The following DCBLD1 variants were observed in gnomAD, a reference collection of about 807,000 sequenced individuals.
DCBLD1 encodes the protein discoidin, CUB and LCCL domain-containing protein 1.
A neutral mutation model predicts 71.5 loss-of-function variants in DCBLD1; 57 were observed. The ratio of observed to expected loss-of-function variants is 0.80; its 90% CI spans 0.64 to 0.99. DCBLD1 has a LOEUF of 0.99. Ranked by LOEUF, DCBLD1 falls within the 50% of genes least tolerant of loss-of-function variation. The probability of loss-of-function intolerance (pLI) is 0.00; values close to 1 mark genes in which losing one functional copy is unlikely to be tolerated. For synonymous variants in DCBLD1, 380 were observed against 363.8 expected, an observed-to-expected ratio of 1.04 and a Z score of -0.51; for missense variants, 891 against 923.5, an observed-to-expected ratio of 0.96 and a Z score of 0.46.
chr6:117,543,852 C>G (rs1280905603), intron 12 of DCBLD1, among the ~76,000 whole-genome samples: 1 of 152,176 alleles, frequency 6.6e-6, no homozygotes, highest in Non-Finnish European at 1.5e-5. Flanking sequence ...TCAGCCTCCC[C>G]AAGCCTGTTT....
At chr6:117,536,709 A>G (rs1035230522) in intron 6 of DCBLD1, among the ~76,000 whole-genome samples, 1 of 152,240 alleles carries the variant, frequency 6.6e-6, no homozygotes, top group Non-Finnish European at 1.5e-5. Flanking sequence ...AGTGAGAGTC[A>G]CGAGATCTGT....
chr6:117,555,138 G>T (rs2114588057), intron 14 of DCBLD1, among the ~76,000 whole-genome samples: 1 of 152,234 alleles, frequency 6.6e-6, no homozygotes, highest in South Asian at 2.1e-4. Context: ...AAATTGGTTT[G>T]TTTAGATTTT....
rs577837436 is a variant in DCBLD1 at position 117,489,195 on chromosome 6, C to T, written c.112+6302C>T. The stretch of plus-strand genomic sequence containing the variant: ...TCTGGTGAGGGCCTCAGGAAGCTTG[C>T]GGTCATGACAGAAGGTGAAGGAGAA... On this transcript the variant is annotated intron_variant, in intron 1 of 14. Coordinates refer to ENST00000338728, the MANE Select transcript of DCBLD1 (RefSeq NM_001366458.2). 1.1e-4 allele frequency among the ~76,000 whole-genome samples: 16 copies of T among 152,182 alleles called. No homozygotes were observed. The South Asian group carries it at 2.1e-3, about 20-fold the overall frequency.
chr6:117,546,714 T>C (rs1779277441), intron 14 of DCBLD1, among the ~76,000 whole-genome samples: 1 of 152,076 alleles, frequency 6.6e-6, no homozygotes, highest in South Asian at 2.1e-4. Context: ...GTCTCTCCCC[T>C]AAACAGTCCC....
At chr6:117,498,834 A>G (rs77991780) in intron 1 of DCBLD1, among the ~76,000 whole-genome samples, 2,459 of 152,226 alleles carry the variant, frequency 0.016, 56 homozygotes, top group African/African-American at 0.056. Context: ...GCATTTTCTT[A>G]TGTAGCCTCA....
rs1334735385 is a variant in DCBLD1 at position 117,545,492 on chromosome 6, A to G, written c.1510A>G (p.Ile504Val). The change falls in exon 14 of 15, where the codon ATT (isoleucine) becomes GTT (valine). Residue 504 changes from isoleucine (I) to valine (V), a missense_variant. Transcript: ENST00000338728. ...EAQKTDCWKQIKYPFARHQSA... is the reference protein window; with the variant it reads ...EAQKTDCWKQVKYPFARHQSA... ...CTTTATTCCAGACTGTTGGAAGCAGATTAAATATCCCTTTGCCAGACATCA... is the reference window on the plus strand; with the variant it reads ...CTTTATTCCAGACTGTTGGAAGCAGGTTAAATATCCCTTTGCCAGACATCA... 1.9e-6 allele frequency: 3 copies of G among 1,614,110 alleles called. No individual in the cohort carries two copies. Among genetic ancestry groups the G allele is most frequent in the Non-Finnish European group, 2.5e-6 (3 of 1,180,002 alleles).
intron 1 of DCBLD1, among the ~76,000 whole-genome samples, chr6:117,488,454 G>A (rs1194932069): frequency 6.6e-6 from 1 of 151,944 alleles, no homozygotes; most frequent in Non-Finnish European, 1.5e-5. Flanking sequence ...GACCAGCCTG[G>A]GCAACATGGC....
At position 117,537,183 on chromosome 6, in the gene DCBLD1, A is replaced by G; in HGVS notation, c.720-2A>G. On this transcript the variant is annotated splice_acceptor_variant, in intron 6 of 14. Coordinates refer to ENST00000338728, the MANE Select transcript of DCBLD1 (RefSeq NM_001366458.2). LOFTEE classifies it high-confidence loss of function. ...TTCTCATGTTTGTCTTTATTGTTTC[A>G]GTGGTTCCCTGTCAGACAAGCGATT... 1 of 1,613,974 alleles carries G rather than the reference A, an allele frequency of 6.2e-7. No individual in the cohort carries two copies. Among genetic ancestry groups the G allele is most frequent in the East Asian group, 2.2e-5 (1 of 44,856 alleles).
At chr6:117,501,086 T>C (rs999568723) in intron 1 of DCBLD1, among the ~76,000 whole-genome samples, 3 of 152,154 alleles carry the variant, frequency 2.0e-5, no homozygotes, top group African/African-American at 7.2e-5. Flanking sequence ...ATCAGGAGAT[T>C]TTTTGGTGGC....
intron 1 of DCBLD1, among the ~76,000 whole-genome samples, chr6:117,500,742 C>T (rs1227759260): frequency 3.3e-5 from 5 of 151,980 alleles, no homozygotes; most frequent in African/African-American, 9.7e-5. Flanking sequence ...ATGCACCTGT[C>T]GTCCCACCTA....
At chr6:117,515,879 G>T (rs1778179228) in intron 2 of DCBLD1, among the ~76,000 whole-genome samples, 1 of 152,166 alleles carries the variant, frequency 6.6e-6, no homozygotes, top group African/African-American at 2.4e-5. Flanking sequence ...AACTGTTTGT[G>T]GGAGGCTGTC....
At chr6:117,558,428 GATTTTTTCCAATTTAATA>G (rs925865924) in intron 14 of DCBLD1, among the ~76,000 whole-genome samples, 4 of 152,028 alleles carry the variant, frequency 2.6e-5, no homozygotes, top group African/African-American at 9.7e-5. Context: ...CCATAAGCTG[GATTTTTTCCAATTTAATA>G]ATTTTTTCCA....
At chr6:117,505,770 A>C (rs113146958) in intron 2 of DCBLD1, among the ~76,000 whole-genome samples, 3,950 of 152,246 alleles carry the variant, frequency 0.026, 78 homozygotes, top group East Asian at 0.051. Context: ...TTCAAGCGAT[A>C]CAGCCTGGGC....
intron 1 of DCBLD1, among the ~76,000 whole-genome samples, chr6:117,483,910 G>T (rs1380015691): frequency 6.6e-6 from 1 of 151,912 alleles, no homozygotes; most frequent in Non-Finnish European, 1.5e-5. Flanking sequence ...ACTGAACTAT[G>T]CCTCCATTCT....
At chr6:117,527,040 G>A (rs1437184236) in intron 5 of DCBLD1, among the ~76,000 whole-genome samples, 3 of 152,150 alleles carry the variant, frequency 2.0e-5, no homozygotes, top group African/African-American at 7.2e-5. Context: ...TTGGATTGAG[G>A]GCCTCGGTTT....
chr6:117,529,601 G>T (rs1328261359), intron 5 of DCBLD1, among the ~76,000 whole-genome samples: 3 of 152,158 alleles, frequency 2.0e-5, no homozygotes, highest in African/African-American at 7.2e-5. Context: ...TTCAATAAAT[G>T]TGAATTTTAA....
intron 2 of DCBLD1, among the ~76,000 whole-genome samples, chr6:117,506,296 T>C (rs1777841370): frequency 6.6e-6 from 1 of 152,138 alleles, no homozygotes; most frequent in Non-Finnish European, 1.5e-5. Context: ...TTTATATCTG[T>C]GTCTCTGTGG....
intron 1 of DCBLD1, among the ~76,000 whole-genome samples, chr6:117,483,988 A>G (rs1285041702): frequency 1.3e-5 from 2 of 152,222 alleles, no homozygotes; most frequent in African/African-American, 4.8e-5. Context: ...TTGTTTAAAA[A>G]AACAAAATCC....
At chr6:117,483,165 C>T (rs1776962619) in intron 1 of DCBLD1, among the ~76,000 whole-genome samples, 1 of 152,182 alleles carries the variant, frequency 6.6e-6, no homozygotes, top group Admixed American at 6.5e-5. Context: ...CGTCTCTGCA[C>T]TTTCTCTCCG....
Sources: allele counts gnomAD v4.1 joint callset (sites outside exome capture counted in the v4.1 genomes callset), GRCh38; gene constraint gnomAD v4.1.1; transcripts MANE v1.5; gene names NCBI Gene and HGNC (gene_info 2026-07-23, HGNC 2026-07-21).